Variants in HS2ST1 observed in about 807,000 individuals in gnomAD.
HS2ST1 encodes heparan sulfate 2-O-sulfotransferase 1.
A neutral mutation model predicts 42.9 loss-of-function variants in HS2ST1; 18 were observed. That is an observed-to-expected ratio of 0.42 (90% CI 0.29 to 0.62). The LOEUF is 0.62. HS2ST1 is among the 20% of genes least tolerant of loss of function. HS2ST1 has a pLI of 0.21. For synonymous variants in HS2ST1, 146 were observed against 152.9 expected (o/e 0.95, Z 0.33); for missense variants, 334 against 433.8 (o/e 0.77, Z 2.04).
At chr1:86,930,154 G>A (rs551547177) in intron 1 of HS2ST1, among the ~76,000 whole-genome samples, 29 of 151,812 alleles carry the variant, frequency 1.9e-4, no homozygotes, top group African/African-American at 6.5e-4. Flanking sequence ...CTTAAGTACA[G>A]GTCAGCCTTA....
chr1:86,934,487 TC>T (rs1660603218), intron 1 of HS2ST1: 1 of 152,370 alleles, frequency 6.6e-6, no homozygotes, highest in South Asian at 2.1e-4. Flanking sequence ...ATTACAGTGT[TC>T]CTATGGATAC....
At chr1:87,064,023 T>C (rs1651184882) in intron 1 of HS2ST1, among the ~76,000 whole-genome samples, 1 of 152,184 alleles carries the variant, frequency 6.6e-6, no homozygotes, top group Non-Finnish European at 1.5e-5. Flanking sequence ...TTCTCTGACA[T>C]CACCCCATCA....
In HS2ST1 at chr1:87,109,425, C is replaced by A. The variant is rs1021078412; in HGVS notation, c.*4729C>A. ...AATAAAATTTCAGATGGAAAACTTA[C>A]AAAATATATACTTAATTAGAAGAAA... On this transcript the variant is annotated 3_prime_UTR_variant, in exon 7 of 7. Coordinates refer to ENST00000370550, the MANE Select transcript of HS2ST1 (RefSeq NM_012262.4). 2 of 151,762 alleles carry A rather than the reference C, an allele frequency of 1.3e-5. No homozygotes were observed. Among genetic ancestry groups the A allele is most frequent in the African/African-American group, 4.8e-5 (2 of 41,322 alleles). 9.4% of individuals were successfully genotyped at this position (151,762 alleles called of 1,614,324 possible).
intron 1 of HS2ST1, among the ~76,000 whole-genome samples, chr1:87,040,342 A>G (rs911104809): frequency 1.3e-5 from 2 of 152,162 alleles, no homozygotes; most frequent in Non-Finnish European, 2.9e-5. Context: ...TGCTTGATAT[A>G]GGACCTGTAT....
rs753416517 is a variant in HS2ST1 at position 86,915,174 on chromosome 1, C to T, written c.124+14C>T. On this transcript the variant is annotated intron_variant, in intron 1 of 6. Coordinates refer to ENST00000370550, the MANE Select transcript of HS2ST1 (RefSeq NM_012262.4). ...GCTCGAAGCTAGGTGAGGAACTGAA[C>T]TGCCCCGGGCTGAGTGCTGTGGAAG... is the stretch of plus-strand genomic sequence containing the variant. 2.4e-5 allele frequency: 39 copies of T among 1,608,066 alleles called. No individual in the cohort carries two copies. Among genetic ancestry groups the T allele is most frequent in the Non-Finnish European group, 3.2e-5 (38 of 1,176,892 alleles).
At chr1:86,924,280 C>T (rs568243) in intron 1 of HS2ST1, among the ~76,000 whole-genome samples, 2 of 152,230 alleles carry the variant, frequency 1.3e-5, no homozygotes, top group Non-Finnish European at 2.9e-5. Context: ...TATAGCCCCC[C>T]ACTCCTGGCT....
chr1:86,994,459 C>T (rs935444524), intron 1 of HS2ST1, among the ~76,000 whole-genome samples: 1 of 152,134 alleles, frequency 6.6e-6, no homozygotes, highest in Non-Finnish European at 1.5e-5. Context: ...AGTGAAAACA[C>T]CTCTGAGTGT....
At chr1:87,017,983 C>T (rs183821830) in intron 1 of HS2ST1, among the ~76,000 whole-genome samples, 64 of 152,034 alleles carry the variant, frequency 4.2e-4, no homozygotes, top group Non-Finnish European at 7.2e-4. Flanking sequence ...ATTGATTTTA[C>T]CTAAGGTTTT....
chr1:86,952,930 T>C (rs1294251474), intron 1 of HS2ST1, among the ~76,000 whole-genome samples: 1 of 152,218 alleles, frequency 6.6e-6, no homozygotes, highest in Non-Finnish European at 1.5e-5. Context: ...GTCAGCTTGT[T>C]CTTCGAAGGC....
intron 1 of HS2ST1, chr1:86,932,279 A>T (rs1006649655): frequency 2.0e-5 from 3 of 152,162 alleles, no homozygotes; most frequent in African/African-American, 7.2e-5. Context: ...GAGAGTAAAA[A>T]GATAAGAGAC....
At chr1:87,072,769 T>C (rs1044703295) in intron 1 of HS2ST1, among the ~76,000 whole-genome samples, 165 bp from the exon 2 acceptor site, 5 of 152,238 alleles carry the variant, frequency 3.3e-5, no homozygotes, top group Non-Finnish European at 5.9e-5. Context: ...CTAGATCCTC[T>C]TAGAAACCCA....
chr1:87,108,082 A>C lies in HS2ST1; in HGVS notation c.*3386A>C, dbSNP rs535305798. On this transcript the variant is annotated 3_prime_UTR_variant, in exon 7 of 7. Transcript: ENST00000370550. ...AATTCCTCAAATCGTTGGTGCCATC[A>C]GTGATTTACAAACAATATTTTGATA... is the stretch of plus-strand genomic sequence containing the variant. 3.3e-5 allele frequency: 5 copies of C among 152,154 alleles called. No homozygotes were observed. In the South Asian group the frequency reaches 1.0e-3, roughly 32 times the overall value. The allele number at this position is 152,154 out of a possible 1,614,324, so 9.4% of individuals were successfully genotyped here.
chr1:87,052,347 G>A (rs1650857590), intron 1 of HS2ST1, among the ~76,000 whole-genome samples: 1 of 152,098 alleles, frequency 6.6e-6, no homozygotes, highest in Non-Finnish European at 1.5e-5. Context: ...AGCCAGGACT[G>A]GAACTTGTAG....
Position 86,933,706 on chromosome 1 carries a change from A to ATT in HS2ST1, c.124+18562_124+18563dup, listed in dbSNP as rs58580477. Among the ~76,000 whole-genome samples the ATT allele has an allele frequency of 8.5e-3, 1,097 of 129,190 alleles. 20 individuals carry two copies. Among genetic ancestry groups the ATT allele is most frequent in the African/African-American group, 0.023 (781 of 33,864 alleles). The allele number at this position is 129,190 out of a possible 152,430, so 84.8% of individuals were successfully genotyped here. On this transcript the variant is annotated intron_variant, in intron 1 of 6. Transcript: ENST00000370550. The stretch of plus-strand genomic sequence containing the variant: ...TTTTTTGCCTTTAGCATGCCTTGTA[A>ATT]TTTTTTTTTTTTTTTTTGATAAGCT...
intron 1 of HS2ST1, among the ~76,000 whole-genome samples, chr1:87,037,133 C>CT (rs5775933): frequency 0.71 from 105,179 of 148,856 alleles, 38,946 homozygotes; most frequent in East Asian, 0.97. Flanking sequence ...CCAACTTTTG[C>CT]TTTATCGTCA....
intron 1 of HS2ST1, among the ~76,000 whole-genome samples, chr1:86,958,041 C>T (rs1402703001): frequency 3.3e-5 from 5 of 152,188 alleles, no homozygotes; most frequent in African/African-American, 7.2e-5. Context: ...ATCCACCCGC[C>T]TCGGCCTCCC....
intron 1 of HS2ST1, among the ~76,000 whole-genome samples, chr1:86,996,844 G>A (rs1476378479): frequency 1.3e-5 from 2 of 152,104 alleles, no homozygotes; most frequent in Non-Finnish European, 2.9e-5. Context: ...ATTTGAAAAG[G>A]AACCAGACAA....
At chr1:87,059,106 A>G (rs1444343775) in intron 1 of HS2ST1, among the ~76,000 whole-genome samples, 2 of 152,200 alleles carry the variant, frequency 1.3e-5, no homozygotes, top group East Asian at 1.9e-4. Flanking sequence ...CCTGGCTCAC[A>G]GTAAAGGCTC....
intron 1 of HS2ST1, among the ~76,000 whole-genome samples, chr1:86,958,013 G>T (rs765246748): frequency 6.6e-6 from 1 of 152,018 alleles, no homozygotes; most frequent in Non-Finnish European, 1.5e-5. Context: ...GGCTGTTCTC[G>T]AACTCCTGAC....
Sources: allele counts gnomAD v4.1 joint callset (sites outside exome capture counted in the v4.1 genomes callset), GRCh38; gene constraint gnomAD v4.1.1; transcripts MANE v1.5; gene names NCBI Gene and HGNC (gene_info 2026-07-23, HGNC 2026-07-21).